KLHDC7A: variants seen among roughly 807,000 people sequenced by gnomAD.
KLHDC7A encodes kelch domain-containing protein 7A.
For synonymous variants in KLHDC7A, 464 were observed against 461.0 expected (o/e 1.01, Z -0.08); for missense variants, 1,123 against 1,052.6 (o/e 1.07, Z -0.93).
chr1:18,483,200 CTG>C lies in KLHDC7A; in HGVS notation c.2221_2222del (p.Val741LeufsTer86). ...AGCACCCTCTGCTTCCTAGCAGACT[CTG>C]TCTCACCCAGGTTTGTGCCCAAGGA... On this transcript the variant is annotated frameshift_variant, in exon 1 of 1. Transcript: ENST00000400664. LOFTEE classifies it low-confidence loss of function (END_TRUNC). 3 of 1,614,082 alleles carry C rather than the reference CTG, an allele frequency of 1.9e-6. No homozygotes were observed. The highest frequency in any genetic ancestry group is 2.5e-6 in the Non-Finnish European group (3 of 1,180,032).
chr1:18,481,775 T>C lies in KLHDC7A; in HGVS notation c.794T>C (p.Ile265Thr). The C allele has an allele frequency of 5.6e-6, 9 of 1,614,068 alleles. No homozygotes were observed. The highest frequency in any genetic ancestry group is 7.6e-6 in the Non-Finnish European group (9 of 1,179,994). Residue 265 changes from isoleucine (I) to threonine (T), a missense_variant, in exon 1 of 1, where the codon ATA becomes ACA. Ile to Thr is a moderately conservative substitution (Grantham distance 89). Coordinates refer to ENST00000400664, the MANE Select transcript of KLHDC7A (RefSeq NM_152375.3). ...APNSSYTFSS[I>T]ARVRMEEHFI... ...AACTCCTCCTATACCTTCTCATCCA[T>C]AGCCCGCGTCCGAATGGAGGAGCAT...
At position 18,485,798 on chromosome 1, in the gene KLHDC7A, C is replaced by T. The variant is rs1234684640; in HGVS notation, c.*2483C>T. 2 of 166,866 alleles carry T rather than the reference C, an allele frequency of 1.2e-5. No homozygotes were observed. Among genetic ancestry groups the T allele is most frequent in the Non-Finnish European group, 1.5e-5 (1 of 68,126 alleles). The allele number at this position is 166,866 out of a possible 1,614,324, so 10.3% of individuals were successfully genotyped here. A position where few individuals can be genotyped will look rare whatever the true frequency, so the allele number is the denominator to read the frequency against. Reference sequence around the variant, plus strand: ...CCTAATGATGGCTTGAGTCCTGCCACTCAATGGGAGCATCAGCGGAACCCG... The same window carrying T: ...CCTAATGATGGCTTGAGTCCTGCCATTCAATGGGAGCATCAGCGGAACCCG... On this transcript the variant is annotated 3_prime_UTR_variant, in exon 1 of 1. Transcript: ENST00000400664.
chr1:18,481,448 C>G lies in KLHDC7A; in HGVS notation c.467C>G (p.Pro156Arg), dbSNP rs752774961. The G allele has an allele frequency of 6.2e-7, 1 of 1,613,678 alleles. No individual in the cohort carries two copies. The highest frequency in any genetic ancestry group is 2.2e-5 in the East Asian group (1 of 44,870). Residue 156 changes from proline to arginine, a missense_variant, in exon 1 of 1, where the codon CCC (proline) becomes CGC (arginine). Pro to Arg is a moderately radical substitution (Grantham distance 103). Transcript: ENST00000400664. ...RTAVGSNPDPPHFPRLGSEPK... is the reference protein window; with the variant it reads ...RTAVGSNPDPRHFPRLGSEPK... Reference sequence around the variant, plus strand: ...GCTGTTGGCAGTAACCCTGACCCTCCCCATTTCCCCCGCTTGGGCAGCGAA... The same window carrying G: ...GCTGTTGGCAGTAACCCTGACCCTCGCCATTTCCCCCGCTTGGGCAGCGAA...
At position 18,482,876 on chromosome 1, in the gene KLHDC7A, G is replaced by A. The variant is rs745970080; in HGVS notation, c.1895G>A (p.Arg632His). 5.6e-6 allele frequency: 9 copies of A among 1,611,690 alleles called. No homozygotes were observed. The highest frequency in any genetic ancestry group is 1.7e-5 in the Admixed American group (1 of 59,960). The change falls in exon 1 of 1, where the codon CGT becomes CAT. Residue 632 changes from arginine (R) to histidine (H), a missense_variant. Coordinates refer to ENST00000400664, the MANE Select transcript of KLHDC7A (RefSeq NM_152375.3). ...TFALAHTATVRAKEIFVTGGS... is the reference protein window; with the variant it reads ...TFALAHTATVHAKEIFVTGGS... ...GCCCTGGCGCACACGGCCACGGTGCGTGCCAAGGAAATCTTCGTCACCGGC... is the reference window on the plus strand; with the variant it reads ...GCCCTGGCGCACACGGCCACGGTGCATGCCAAGGAAATCTTCGTCACCGGC...
chr1:18,485,617 A>C lies in KLHDC7A; in HGVS notation c.*2302A>C, dbSNP rs1034519951. ...CAGGCAGTCACTACCTATAGATTAG[A>C]GCTGATGTGCTGGCCTGGGGCTCTA... On this transcript the variant is annotated 3_prime_UTR_variant, in exon 1 of 1. Coordinates refer to ENST00000400664, the MANE Select transcript of KLHDC7A (RefSeq NM_152375.3). 1.8e-5 allele frequency: 3 copies of C among 163,436 alleles called. No individual in the cohort carries two copies. The highest frequency in any genetic ancestry group is 7.4e-5 in the African/African-American group (3 of 40,282). 10.1% of individuals were successfully genotyped at this position (163,436 alleles called of 1,614,324 possible).
rs1169572332 is a variant in KLHDC7A at position 18,482,161 on chromosome 1, G to A, written c.1180G>A (p.Ala394Thr). The A allele has an allele frequency of 6.2e-7, 1 of 1,611,398 alleles. No homozygotes were observed. Among genetic ancestry groups the A allele is most frequent in the Admixed American group, 1.7e-5 (1 of 60,006 alleles). Residue 394 changes from alanine (A) to threonine (T), a missense_variant, in exon 1 of 1, where the codon GCC becomes ACC. Transcript: ENST00000400664. ...LPAPPCPDPG[A>T]LPGLGRSSRE... Reference sequence around the variant, plus strand: ...CGCTCCACCCTGCCCAGACCCGGGCGCCCTGCCTGGCTTAGGCAGAAGCAG... The same window carrying A: ...CGCTCCACCCTGCCCAGACCCGGGCACCCTGCCTGGCTTAGGCAGAAGCAG...
rs140717946 is a variant in KLHDC7A, at chr1:18,481,750, A to T, written c.769A>T (p.Asn257Tyr). The T allele has an allele frequency of 6.2e-7, 1 of 1,613,934 alleles. No individual in the cohort carries two copies. The highest frequency in any genetic ancestry group is 8.5e-7 in the Non-Finnish European group (1 of 1,179,914). ...CCTGCATCAGCAGGAGGGCGCCCCCAACTCCTCCTATACCTTCTCATCCAT... is the reference window on the plus strand; with the variant it reads ...CCTGCATCAGCAGGAGGGCGCCCCCTACTCCTCCTATACCTTCTCATCCAT... ...LTLHQQEGAP[N>Y]SSYTFSSIAR... Residue 257 changes from asparagine to tyrosine, a missense_variant, in exon 1 of 1, where the codon AAC (asparagine) becomes TAC (tyrosine). Asn to Tyr is a moderately radical substitution (Grantham distance 143). Transcript: ENST00000400664.
chr1:18,483,965 C>T lies in KLHDC7A; in HGVS notation c.*650C>T. ...GCTTGCGAGAAAATATACCAAAGCC[C>T]ACATTACTTTTCTCCTTATTGGAAG... On this transcript the variant is annotated 3_prime_UTR_variant, in exon 1 of 1. Coordinates refer to ENST00000400664, the MANE Select transcript of KLHDC7A (RefSeq NM_152375.3). 1 of 1,304,192 alleles carries T rather than the reference C, an allele frequency of 7.7e-7. No homozygotes were observed. Among genetic ancestry groups the T allele is most frequent in the Non-Finnish European group, 1.0e-6 (1 of 988,896 alleles). The allele number at this position is 1,304,192 out of a possible 1,614,324, so 80.8% of individuals were successfully genotyped here.
Position 18,483,390 on chromosome 1 carries a change from A to G in KLHDC7A, c.*75A>G. On this transcript the variant is annotated 3_prime_UTR_variant, in exon 1 of 1. Transcript: ENST00000400664. The stretch of plus-strand genomic sequence containing the variant: ...ACTGCCAGCCGTCCCTCTGGGGGCC[A>G]TTTCTAGGCAAACAGGCAACCCAGG... The G allele has an allele frequency of 1.3e-6, 2 of 1,550,098 alleles. No individual in the cohort carries two copies. The highest frequency in any genetic ancestry group is 3.5e-4 in the Middle Eastern group (2 of 5,722).
chr1:18,481,193 C>T lies in KLHDC7A; in HGVS notation c.212C>T (p.Ala71Val), dbSNP rs1320378331. 5 of 1,599,852 alleles carry T rather than the reference C, an allele frequency of 3.1e-6. No individual in the cohort carries two copies. Among genetic ancestry groups the T allele is most frequent in the African/African-American group, 2.7e-5 (2 of 74,554 alleles). ...EGSGQPAVQE[A>V]SPGVLLRGPR... Reference sequence around the variant, plus strand: ...TCAGGGCAGCCTGCTGTACAGGAGGCTTCTCCTGGGGTGCTCCTGAGGGGG... The same window carrying T: ...TCAGGGCAGCCTGCTGTACAGGAGGTTTCTCCTGGGGTGCTCCTGAGGGGG... Residue 71 changes from alanine (A) to valine (V), a missense_variant, in exon 1 of 1, where the codon GCT (alanine) becomes GTT (valine). Transcript: ENST00000400664.
Position 18,484,106 on chromosome 1 carries a change from C to A in KLHDC7A, c.*791C>A. The A allele has an allele frequency of 8.8e-7, 1 of 1,142,336 alleles. No homozygotes were observed. The highest frequency in any genetic ancestry group is 1.2e-6 in the Non-Finnish European group (1 of 841,698). The allele number at this position is 1,142,336 out of a possible 1,614,324, so 70.8% of individuals were successfully genotyped here. A position where few individuals can be genotyped will look rare whatever the true frequency, so the allele number is the denominator to read the frequency against. ...TCCAAGGGCCACCCTGCTCCTCGGC[C>A]CTGCCCATGTTAACTGACCATTGCA... On this transcript the variant is annotated 3_prime_UTR_variant, in exon 1 of 1. Coordinates refer to ENST00000400664, the MANE Select transcript of KLHDC7A (RefSeq NM_152375.3).
chr1:18,484,240 C>T lies in KLHDC7A; in HGVS notation c.*925C>T. 1 of 377,488 alleles carries T rather than the reference C, an allele frequency of 2.6e-6. No individual in the cohort carries two copies. Among genetic ancestry groups the T allele is most frequent in the Non-Finnish European group, 5.4e-6 (1 of 185,782 alleles). 23.4% of individuals were successfully genotyped at this position (377,488 alleles called of 1,614,324 possible). On this transcript the variant is annotated 3_prime_UTR_variant, in exon 1 of 1. Transcript: ENST00000400664. ...TTGCCCTCCTTGTGCCAGGTACGGT[C>T]ACCTGGTTTGCCGCATTCACATTTT... is the stretch of plus-strand genomic sequence containing the variant.
Position 18,483,486 on chromosome 1 carries a change from A to T in KLHDC7A, c.*171A>T. On this transcript the variant is annotated 3_prime_UTR_variant, in exon 1 of 1. Transcript: ENST00000400664. ...GCTGGGGAGAGAGGGATCTTAGATG[A>T]GTCTTACCCTTCATGGGCTGCAGAG... is the stretch of plus-strand genomic sequence containing the variant. The T allele has an allele frequency of 6.9e-7, 1 of 1,449,628 alleles. No individual in the cohort carries two copies. Among genetic ancestry groups the T allele is most frequent in the South Asian group, 1.5e-5 (1 of 67,184 alleles). The allele number at this position is 1,449,628 out of a possible 1,614,324, so 89.8% of individuals were successfully genotyped here. A position where few individuals can be genotyped will look rare whatever the true frequency, so the allele number is the denominator to read the frequency against.
chr1:18,481,701 G>GGCT lies in KLHDC7A; in HGVS notation c.723_725dup (p.Ala242dup). The GGCT allele has an allele frequency of 1.9e-6, 3 of 1,614,100 alleles. No individual in the cohort carries two copies. Among genetic ancestry groups the GGCT allele is most frequent in the Non-Finnish European group, 2.5e-6 (3 of 1,180,026 alleles). On this transcript the variant is annotated inframe_insertion, in exon 1 of 1. Transcript: ENST00000400664. ...GCAGAGAAGAGGCTGGGGCTCTCGA[G>GGCT]GCTGCCTCCGATGTTGACCTGACCC...
chr1:18,482,671 C>A lies in KLHDC7A; in HGVS notation c.1690C>A (p.Pro564Thr), dbSNP rs776109893. 1.2e-6 allele frequency: 2 copies of A among 1,609,092 alleles called. No homozygotes were observed. Among genetic ancestry groups the A allele is most frequent in the Non-Finnish European group, 1.7e-6 (2 of 1,179,350 alleles). Reference sequence around the variant, plus strand: ...CTCCAGCCGCGTCTTCTGCTACAACCCGCTCACGGGGATCTGGAGCGAGGT... The same window carrying A: ...CTCCAGCCGCGTCTTCTGCTACAACACGCTCACGGGGATCTGGAGCGAGGT... ...QPSSRVFCYN[P>T]LTGIWSEVCP... Residue 564 changes from proline (P) to threonine (T), a missense_variant, in exon 1 of 1, where the codon CCG becomes ACG. Physicochemically the swap from Pro to Thr is conservative, Grantham distance 38. Coordinates refer to ENST00000400664, the MANE Select transcript of KLHDC7A (RefSeq NM_152375.3).
chr1:18,483,985 T>C lies in KLHDC7A; in HGVS notation c.*670T>C. 7.7e-7 allele frequency: 1 copy of C among 1,304,240 alleles called. No individual in the cohort carries two copies. The highest frequency in any genetic ancestry group is 1.0e-6 in the Non-Finnish European group (1 of 988,936). 80.8% of individuals were successfully genotyped at this position (1,304,240 alleles called of 1,614,324 possible). A position where few individuals can be genotyped will look rare whatever the true frequency, so the allele number is the denominator to read the frequency against. Reference sequence around the variant, plus strand: ...AAGCCCACATTACTTTTCTCCTTATTGGAAGAAAGAGAAGCAGCCATTGTA... The same window carrying C: ...AAGCCCACATTACTTTTCTCCTTATCGGAAGAAAGAGAAGCAGCCATTGTA... On this transcript the variant is annotated 3_prime_UTR_variant, in exon 1 of 1. Transcript: ENST00000400664.
At position 18,482,772 on chromosome 1, in the gene KLHDC7A, G is replaced by A. The variant is rs772798174; in HGVS notation, c.1791G>A (p.Glu597=). 6.2e-7 allele frequency: 1 copy of A among 1,610,008 alleles called. No individual in the cohort carries two copies. Among genetic ancestry groups the A allele is most frequent in the Non-Finnish European group, 8.5e-7 (1 of 1,179,016 alleles). ...GGCACCTGTATGCCATCGGCGGAGA[G>A]TGTCTGAACTCGGTGGAGCGTTACG... is the stretch of plus-strand genomic sequence containing the variant. ...LDGHLYAIGG[E]CLNSVERYDP... The change falls in exon 1 of 1, where the codon GAG becomes GAA. Residue 597 remains glutamate (E), a synonymous_variant. Transcript: ENST00000400664.
At position 18,485,048 on chromosome 1, in the gene KLHDC7A, T is replaced by A. The variant is rs2086924474; in HGVS notation, c.*1733T>A. 1.2e-5 allele frequency: 2 copies of A among 167,120 alleles called. No homozygotes were observed. Among genetic ancestry groups the A allele is most frequent in the Non-Finnish European group, 2.9e-5 (2 of 68,206 alleles). The allele number at this position is 167,120 out of a possible 1,614,324, so 10.4% of individuals were successfully genotyped here. On this transcript the variant is annotated 3_prime_UTR_variant, in exon 1 of 1. Coordinates refer to ENST00000400664, the MANE Select transcript of KLHDC7A (RefSeq NM_152375.3). ...GCCAAGGCCACATTCAAGCTCAGTGTCAACACTAGGCATGAACCTCCAAGG... is the reference window on the plus strand; with the variant it reads ...GCCAAGGCCACATTCAAGCTCAGTGACAACACTAGGCATGAACCTCCAAGG...
rs148421585 is a variant in KLHDC7A at position 18,482,480 on chromosome 1, G to A, written c.1499G>A (p.Cys500Tyr). The A allele has an allele frequency of 1.2e-6, 2 of 1,611,398 alleles. No homozygotes were observed. Among genetic ancestry groups the A allele is most frequent in the African/African-American group, 2.7e-5 (2 of 74,944 alleles). ...GRQYLVVADV[C>Y]PKEDSGGLCC... ...CAGTACCTGGTGGTGGCTGACGTGT[G>A]CCCCAAGGAAGACTCCGGCGGCCTC... Residue 500 changes from cysteine to tyrosine, a missense_variant, in exon 1 of 1, where the codon TGC (cysteine) becomes TAC (tyrosine). Cys to Tyr is a radical substitution (Grantham distance 194, BLOSUM62 -2). Transcript: ENST00000400664.
Sources: allele counts gnomAD v4.1 joint callset, GRCh38; gene constraint gnomAD v4.1.1; transcripts MANE v1.5; gene names NCBI Gene and HGNC (gene_info 2026-07-23, HGNC 2026-07-21).